Variants in E4F1 observed in about 807,000 individuals in gnomAD.
The protein encoded by E4F1 is transcription factor E4F1.
In E4F1, 30 loss-of-function variants were observed where a neutral mutation model predicts 72.9. The ratio of observed to expected loss-of-function variants is 0.41; its 90% confidence interval spans 0.31 to 0.56. The LOEUF (loss-of-function observed/expected upper bound fraction) is 0.56, where lower values mean the gene tolerates loss of function less well. Ranked by LOEUF, E4F1 falls within the 20% of genes least tolerant of loss-of-function variation. The probability of loss-of-function intolerance (pLI) is 0.25; values close to 1 mark genes in which losing one functional copy is unlikely to be tolerated. For missense variants in E4F1, 1,091 were observed against 1,117.5 expected, an observed-to-expected ratio of 0.98 and a Z score of 0.34; for synonymous variants, 542 against 478.2, an observed-to-expected ratio of 1.13 and a Z score of -1.74.
intron 10 of E4F1, 53 bp from the exon 11 acceptor site, chr16:2,234,530 G>C: frequency 6.4e-7 from 1 of 1,552,454 alleles, no homozygotes; most frequent in Non-Finnish European, 8.7e-7. Context: ...GGAGGGGAGA[G>C]CTGTAGTCTG....
chr16:2,233,814 G>C, intron 8 of E4F1, 68 bp from the exon 9 acceptor site: 1 of 1,465,412 alleles, frequency 6.8e-7, no homozygotes, highest in East Asian at 2.5e-5. Context: ...GGGGCCCATG[G>C]TTGTGTTCTT....
Position 2,235,465 on chromosome 16 carries a change from A to C in E4F1, c.2248A>C (p.Thr750Pro). The change falls in exon 14 of 14, where the codon ACT becomes CCT. Residue 750 changes from threonine (T) to proline (P), a missense_variant. By Grantham distance (38) the Thr-to-Pro change is conservative. This residue lies in a region of E4F1 where 622 missense variants were observed against 628.0 expected (regional missense o/e 0.99). Coordinates refer to ENST00000301727, the MANE Select transcript of E4F1 (RefSeq NM_004424.5). ...RAGTSGTEQA[T>P]VTMVSSEDIE... The stretch of plus-strand genomic sequence containing the variant: ...AGGGACAAGTGGCACTGAACAGGCC[A>C]CTGTGACCATGGTGTCATCAGAGGA... 1 of 1,612,492 alleles carries C rather than the reference A, an allele frequency of 6.2e-7. No individual in the cohort carries two copies. The highest frequency in any genetic ancestry group is 8.5e-7 in the Non-Finnish European group (1 of 1,179,774).
chr16:2,227,662 G>A (rs141164372), intron 1 of E4F1, among the ~76,000 whole-genome samples: 1,593 of 151,944 alleles, frequency 0.01, 17 homozygotes, highest in African/African-American at 0.036. Context: ...ATGAGCCACC[G>A]CCCTAATTTT....
At chr16:2,233,253 G>T (rs1016159921) in intron 7 of E4F1, 70 bp downstream of exon 7, 11 of 1,528,978 alleles carry the variant, frequency 7.2e-6, no homozygotes, top group Non-Finnish European at 8.8e-6. Flanking sequence ...TTTGTTCTGG[G>T]CACTGGCTCC....
chr16:2,234,262 C>A lies in E4F1; in HGVS notation c.1467C>A (p.Arg489=). The change falls in exon 10 of 14, where the codon CGC becomes CGA. Residue 489 remains arginine (R), a synonymous_variant. Coordinates refer to ENST00000301727, the MANE Select transcript of E4F1 (RefSeq NM_004424.5). ...ACCAGGAGGTGCACGTGCGTGAGCGCCGCTTCCGCTGTGGCGACTGCGGGA... is the reference window on the plus strand; with the variant it reads ...ACCAGGAGGTGCACGTGCGTGAGCGACGCTTCCGCTGTGGCGACTGCGGGA... ...KKHQEVHVRE[R]RFRCGDCGKL... is the part of the protein sequence containing the mutation. The A allele has an allele frequency of 6.2e-7, 1 of 1,612,918 alleles. No homozygotes were observed. The highest frequency in any genetic ancestry group is 8.5e-7 in the Non-Finnish European group (1 of 1,179,972).
chr16:2,233,504 A>G lies in E4F1; in HGVS notation c.1123A>G (p.Met375Val). The G allele has an allele frequency of 2.0e-6, 3 of 1,514,812 alleles. No homozygotes were observed. Among genetic ancestry groups the G allele is most frequent in the Non-Finnish European group, 2.6e-6 (3 of 1,133,012 alleles). 93.8% of individuals were successfully genotyped at this position (1,514,812 alleles called of 1,614,324 possible). The change falls in exon 8 of 14, where the codon ATG becomes GTG. Residue 375 changes from methionine to valine, a missense_variant. This residue lies in a region of E4F1 where 622 missense variants were observed against 628.0 expected (regional missense o/e 0.99). Coordinates refer to ENST00000301727, the MANE Select transcript of E4F1 (RefSeq NM_004424.5). ...CCGTGAGAACCTGCTGCACCAGGCC[A>G]TGCAGAACTCCGGCATCGTCCTTGA... ...GSRENLLHQA[M>V]QNSGIVLERA... is the part of the protein sequence containing the mutation.
chr16:2,234,453 G>T (rs747928080), intron 10 of E4F1, 65 bp downstream of exon 10: 54 of 1,594,106 alleles, frequency 3.4e-5, no homozygotes, highest in Non-Finnish European at 4.5e-5. Context: ...CCGTGGCCCA[G>T]GTGCACCCCC....
chr16:2,235,539 G>T lies in E4F1; in HGVS notation c.2322G>T (p.Glu774Asp). The T allele has an allele frequency of 6.2e-7, 1 of 1,603,406 alleles. No individual in the cohort carries two copies. Among genetic ancestry groups the T allele is most frequent in the Non-Finnish European group, 8.5e-7 (1 of 1,173,524 alleles). ...HAGELVIASP[E>D]GQLEVQTVIV The stretch of plus-strand genomic sequence containing the variant: ...GCGAGCTGGTCATCGCCTCGCCGGA[G>T]GGCCAGCTGGAGGTGCAGACGGTCA... The change falls in exon 14 of 14, where the codon GAG (glutamate) becomes GAT (aspartate). Residue 774 changes from glutamate to aspartate, a missense_variant. Glu to Asp is a conservative substitution (Grantham distance 45). Coordinates refer to ENST00000301727, the MANE Select transcript of E4F1 (RefSeq NM_004424.5).
Position 2,233,646 on chromosome 16 carries a change from C to T in E4F1, c.1265C>T (p.Thr422Ile), listed in dbSNP as rs528812934. The change falls in exon 8 of 14, where the codon ACA becomes ATA. Residue 422 changes from threonine (T) to isoleucine (I), a missense_variant and splice_region_variant. Thr to Ile is a moderately conservative substitution (Grantham distance 89). This residue lies in a region of E4F1 where 622 missense variants were observed against 628.0 expected (regional missense o/e 0.99). Transcript: ENST00000301727. ...LPVLEVQPLETQVASEASAVP... is the reference protein window; with the variant it reads ...LPVLEVQPLEIQVASEASAVP... ...GTACTGGAAGTGCAGCCGCTGGAGACAGTAGGTGCCAGCACCACCTGCGGG... is the reference window on the plus strand; with the variant it reads ...GTACTGGAAGTGCAGCCGCTGGAGATAGTAGGTGCCAGCACCACCTGCGGG... 39 of 1,524,174 alleles carry T rather than the reference C, an allele frequency of 2.6e-5. No homozygotes were observed. The highest frequency in any genetic ancestry group is 3.3e-5 in the Non-Finnish European group (37 of 1,136,232). 94.4% of individuals were successfully genotyped at this position (1,524,174 alleles called of 1,614,324 possible).
chr16:2,232,322 T>C lies in E4F1; in HGVS notation c.567T>C (p.Asp189=), dbSNP rs1240576150. 1 of 1,609,352 alleles carries C rather than the reference T, an allele frequency of 6.2e-7. No individual in the cohort carries two copies. Residue 189 remains aspartate (D), a synonymous_variant, in exon 4 of 14, where the codon GAT becomes GAC. Transcript: ENST00000301727. ...QAQVKLLVNK[D]GRYVCALCHK... ...AGGTGAAGCTACTGGTGAACAAGGA[T>C]GGCCGCTATGTGTGTGCGCTGTGCC...
intron 1 of E4F1, among the ~76,000 whole-genome samples, chr16:2,225,550 C>T (rs1211443706): frequency 1.3e-5 from 2 of 151,308 alleles, no homozygotes; most frequent in East Asian, 2.0e-4. Flanking sequence ...CTCGGCTCAC[C>T]GCAACCTCCG....
chr16:2,233,363 C>G, intron 7 of E4F1, 75 bp from the exon 8 acceptor site: 1 of 1,433,576 alleles, frequency 7.0e-7, no homozygotes, highest in African/African-American at 1.4e-5. Flanking sequence ...AGGCTCCTGG[C>G]GTGCGTCTGC....
Position 2,227,903 on chromosome 16 carries a change from A to G in E4F1, c.158-469A>G, listed in dbSNP as rs374483220. Among the ~76,000 whole-genome samples the G allele has an allele frequency of 3.0e-4, 44 of 144,928 alleles. No homozygotes were observed. In the East Asian group the frequency reaches 5.5e-3, roughly 18 times the overall value. On this transcript the variant is annotated intron_variant, in intron 1 of 13. Coordinates refer to ENST00000301727, the MANE Select transcript of E4F1 (RefSeq NM_004424.5). ...CGTCTTGAACTCCTGGGCTCAAGCT[A>G]TCCTCCCACCTTGGCCCCTTAAAGT...
chr16:2,232,307 A>C lies in E4F1; in HGVS notation c.552A>C (p.Leu184=). 3 of 1,610,892 alleles carry C rather than the reference A, an allele frequency of 1.9e-6. No homozygotes were observed. Among genetic ancestry groups the C allele is most frequent in the Non-Finnish European group, 2.5e-6 (3 of 1,178,860 alleles). The change falls in exon 4 of 14, where the codon CTA becomes CTC. Residue 184 remains leucine (L), a synonymous_variant. Coordinates refer to ENST00000301727, the MANE Select transcript of E4F1 (RefSeq NM_004424.5). The part of the protein sequence containing the change: ...AGEGEQAQVK[L]LVNKDGRYVC... ...AGGGTGAGCAGGCCCAGGTGAAGCTACTGGTGAACAAGGATGGCCGCTATG... is the reference window on the plus strand; with the variant it reads ...AGGGTGAGCAGGCCCAGGTGAAGCTCCTGGTGAACAAGGATGGCCGCTATG...
At chr16:2,223,819 C>T (rs771408875) in intron 1 of E4F1, 49 bp downstream of exon 1, 1 of 1,534,378 alleles carries the variant, frequency 6.5e-7, no homozygotes, top group Non-Finnish European at 8.7e-7. Context: ...GCAGTTCATC[C>T]CGGGCTGGCA....
chr16:2,234,854 C>G lies in E4F1; in HGVS notation c.1793-5C>G. The stretch of plus-strand genomic sequence containing the variant: ...GCCTAGCCCTGACCGAGTCCCCACC[C>G]ACAGGGGGCTGCCTGCTGGAGGTGG... On this transcript the variant is annotated splice_polypyrimidine_tract_variant and splice_region_variant and intron_variant, in intron 11 of 13. Coordinates refer to ENST00000301727, the MANE Select transcript of E4F1 (RefSeq NM_004424.5). 1 of 1,549,270 alleles carries G rather than the reference C, an allele frequency of 6.5e-7. No homozygotes were observed. Among genetic ancestry groups the G allele is most frequent in the Non-Finnish European group, 8.7e-7 (1 of 1,146,784 alleles).
At chr16:2,225,497 G>A (rs113244233) in intron 1 of E4F1, among the ~76,000 whole-genome samples, 2 of 150,128 alleles carry the variant, frequency 1.3e-5, no homozygotes, top group Admixed American at 1.3e-4. Flanking sequence ...TTTTGAGACG[G>A]CGTTTCTCTC....
chr16:2,226,902 G>C (rs1253835900), intron 1 of E4F1, among the ~76,000 whole-genome samples: 1 of 152,200 alleles, frequency 6.6e-6, no homozygotes, highest in East Asian at 1.9e-4. Flanking sequence ...AGTGGTTGTG[G>C]GTCAGCTCCC....
At chr16:2,226,651 T>C (rs2093434439) in intron 1 of E4F1, among the ~76,000 whole-genome samples, 1 of 152,220 alleles carries the variant, frequency 6.6e-6, no homozygotes, top group Non-Finnish European at 1.5e-5. Context: ...CCTATCCCTT[T>C]GTGTAAACAG....
Sources: gnomAD v4.1 joint callset for allele counts (sites outside exome capture counted in the v4.1 genomes callset) on GRCh38, gnomAD v4.1.1 for gene constraint, gnomAD v4.1.1 regional missense constraint, MANE v1.5 for transcripts, NCBI Gene and HGNC (gene_info 2026-07-23, HGNC 2026-07-21) for gene names.